Variants in FAM227B observed in about 807,000 individuals in gnomAD.
The protein encoded by FAM227B is protein FAM227B.
In FAM227B, 88 loss-of-function variants were observed where a neutral mutation model predicts 73.8. The ratio of observed to expected loss-of-function variants is 1.19; its 90% CI spans 1.00 to 1.42. The LOEUF (loss-of-function observed/expected upper bound fraction) is 1.42, where lower values mean the gene tolerates loss of function less well. FAM227B is among the 40% of genes most tolerant of loss of function. The pLI is 0.00. For missense variants in FAM227B, 632 were observed against 590.9 expected, an observed-to-expected ratio of 1.07 and a Z score of -0.72; for synonymous variants, 210 against 190.5, an observed-to-expected ratio of 1.10 and a Z score of -0.84.
At chr15:49,356,802 C>T (rs1216142680) in intron 13 of FAM227B, among the ~76,000 whole-genome samples, 5 of 71,578 alleles carry the variant, frequency 7.0e-5, no homozygotes, top group African/African-American at 3.1e-4. Flanking sequence ...CACCACACCA[C>T]ACCTATTCCA....
chr15:49,577,219 T>C (rs1598343835), intron 6 of FAM227B: 1 of 297,496 alleles, frequency 3.4e-6, no homozygotes, highest in Non-Finnish European at 6.6e-6. Flanking sequence ...ATCACTTGAA[T>C]CTGGGAGGCA....
chr15:49,415,235 T>C (rs1265012183), intron 11 of FAM227B, among the ~76,000 whole-genome samples: 1 of 152,194 alleles, frequency 6.6e-6, no homozygotes, highest in African/African-American at 2.4e-5. Flanking sequence ...AGACAATTCA[T>C]GTAGAACCAA....
chr15:49,401,996 T>C (rs531791696), intron 11 of FAM227B, among the ~76,000 whole-genome samples: 296 of 151,348 alleles, frequency 2.0e-3, no homozygotes, highest in South Asian at 8.0e-3. Context: ...AAACTTAAAG[T>C]ATAATAAAAA....
At chr15:49,497,295 CA>C (rs1291304251) in intron 11 of FAM227B, among the ~76,000 whole-genome samples, 5 of 152,194 alleles carry the variant, frequency 3.3e-5, no homozygotes, top group Admixed American at 2.0e-4. Context: ...CCAGTAAATA[CA>C]TGATCTGAAT....
Position 49,508,337 on chromosome 15 carries a change from G to A in FAM227B, c.886C>T (p.Gln296Ter). The change falls in exon 11 of 16, where the codon CAA (glutamine) becomes TAA (stop). Residue 296 changes from glutamine (Q) to a stop codon, truncating the protein, a stop_gained. Transcript: ENST00000299338. LOFTEE classifies it high-confidence loss of function. Reference protein sequence around the residue: ...IFLWCSGLKPQKGFWIHWKLK... With the variant: ...IFLWCSGLKP ...TTCCAGTGGATCCAAAAGCCTTTTT[G>A]AGGTTTTAAACCTGTTAATATAAAA... The A allele has an allele frequency of 6.3e-7, 1 of 1,597,676 alleles. No homozygotes were observed. The highest frequency in any genetic ancestry group is 2.3e-5 in the East Asian group (1 of 44,294).
intron 13 of FAM227B, chr15:49,365,970 A>G: frequency 1.2e-6 from 1 of 845,770 alleles, no homozygotes; most frequent in Non-Finnish European, 2.1e-6. Flanking sequence ...TGTGGAAGAA[A>G]TAAAGTAAGA....
chr15:49,566,966 A>G (rs751180754), intron 9 of FAM227B, among the ~76,000 whole-genome samples: 3 of 152,188 alleles, frequency 2.0e-5, no homozygotes, highest in Non-Finnish European at 2.9e-5. Context: ...AACAGAAACT[A>G]AAGAATGGGG....
At chr15:49,330,569 G>C (rs559508232) in intron 15 of FAM227B, 3 of 152,268 alleles carry the variant, frequency 2.0e-5, no homozygotes, top group South Asian at 4.2e-4. Context: ...TGGCTATCCA[G>C]TGCGCTACAG....
intron 3 of FAM227B, 31 bp from the exon 4 acceptor site, chr15:49,590,038 T>G (rs776857925): frequency 2.7e-6 from 3 of 1,100,952 alleles, no homozygotes; most frequent in Non-Finnish European, 4.1e-6. Context: ...AGAATATAGC[T>G]TAAGTCATTT....
chr15:49,514,834 C>A (rs2059271751), intron 10 of FAM227B, among the ~76,000 whole-genome samples: 1 of 152,032 alleles, frequency 6.6e-6, no homozygotes, highest in Non-Finnish European at 1.5e-5. Flanking sequence ...TGTGCCTAAC[C>A]TATTGTCACA....
chr15:49,487,531 T>A (rs1477483063), intron 11 of FAM227B: 2 of 151,828 alleles, frequency 1.3e-5, no homozygotes, highest in Non-Finnish European at 2.9e-5. Context: ...TTCTTAGGGT[T>A]TCTATCTCAT....
chr15:49,335,324 A>C (rs1395076093), intron 14 of FAM227B, 95 bp downstream of exon 14: 1 of 763,608 alleles, frequency 1.3e-6, no homozygotes, highest in Non-Finnish European at 2.2e-6. Flanking sequence ...GACTCTCCTC[A>C]TCATTAAGGA....
intron 5 of FAM227B, among the ~76,000 whole-genome samples, 191 bp downstream of exon 5, chr15:49,587,825 C>A (rs2076260431): frequency 6.6e-6 from 1 of 151,812 alleles, no homozygotes; most frequent in African/African-American, 2.4e-5. Context: ...TGTGAAGATG[C>A]CAATACTCAG....
chr15:49,348,553 C>T (rs887549600), intron 13 of FAM227B, among the ~76,000 whole-genome samples: 2 of 152,178 alleles, frequency 1.3e-5, no homozygotes, highest in African/African-American at 4.8e-5. Flanking sequence ...AATTTTGGAG[C>T]ACCTCACAGA....
At chr15:49,364,458 G>T (rs1596567607) in intron 13 of FAM227B, among the ~76,000 whole-genome samples, 1 of 151,964 alleles carries the variant, frequency 6.6e-6, no homozygotes, top group Non-Finnish European at 1.5e-5. Flanking sequence ...TGGTGGCAAT[G>T]TCTTGTCATT....
In FAM227B at chr15:49,377,133, G is replaced by A. The variant is rs543262400; in HGVS notation, c.1013-5734C>T. 9.1e-4 allele frequency among the ~76,000 whole-genome samples: 138 copies of A among 152,066 alleles called. 5 individuals are homozygous for A. The South Asian group carries it at 0.027, about 30-fold the overall frequency. The stretch of plus-strand genomic sequence containing the variant: ...CCATAAATAATTGAGAACATGCAAT[G>A]TTTGTCTTTCTGTGCCTGGCTTATT... On this transcript the variant is annotated intron_variant, in intron 11 of 15. Transcript: ENST00000299338.
intron 10 of FAM227B, among the ~76,000 whole-genome samples, chr15:49,537,805 C>T (rs1275809304): frequency 6.6e-6 from 1 of 151,940 alleles, no homozygotes; most frequent in Non-Finnish European, 1.5e-5. Context: ...GTGAAATAAG[C>T]CAGACACATA....
At position 49,516,439 on chromosome 15, in the gene FAM227B, C is replaced by T. The variant is rs1005453183; in HGVS notation, c.875-8091G>A. 2.0e-5 allele frequency among the ~76,000 whole-genome samples: 3 copies of T among 151,802 alleles called. No individual in the cohort carries two copies. In the South Asian group the frequency reaches 6.2e-4, roughly 31 times the overall value. ...CTTGCATCCCCTCTCTGCTTGGTGG[C>T]TACTTTTTAAAAATAGATTTTGGAT... On this transcript the variant is annotated intron_variant, in intron 10 of 15. Transcript: ENST00000299338.
intron 1 of FAM227B, 138 bp from the exon 2 acceptor site, chr15:49,615,381 G>T: frequency 1.7e-6 from 1 of 582,084 alleles, no homozygotes; most frequent in Non-Finnish European, 3.1e-6. Flanking sequence ...ATCTCATGTT[G>T]AACTGTTGGA....
Sources: gnomAD v4.1 joint callset for allele counts (sites outside exome capture counted in the v4.1 genomes callset) on GRCh38, gnomAD v4.1.1 for gene constraint, MANE v1.5 for transcripts, NCBI Gene and HGNC (gene_info 2026-07-23, HGNC 2026-07-21) for gene names.